Variants in NOS1 observed in about 807,000 individuals in gnomAD.
NOS1 encodes the protein NOS type I.
Under a neutral mutation model 164.5 loss-of-function variants are expected in NOS1, and 51 were observed. That is an observed-to-expected ratio of 0.31 (90% confidence interval 0.25 to 0.39). The LOEUF (loss-of-function observed/expected upper bound fraction) is 0.39, where lower values mean the gene tolerates loss of function less well. Among genes scored for constraint, NOS1 ranks in the 10% least tolerant of loss-of-function variants. The pLI is 1.00. For missense variants in NOS1, 1,362 were observed against 1,885.6 expected (o/e 0.72, Z 5.14); for synonymous variants, 719 against 745.8 (o/e 0.96, Z 0.59).
At position 117,356,350 on chromosome 12, in the gene NOS1, C is replaced by G. The variant is rs543985528; in HGVS notation, c.-421+5162G>C. Among the ~76,000 whole-genome samples, 14 of 152,272 alleles carry G rather than the reference C, an allele frequency of 9.2e-5. No homozygotes were observed. The South Asian group carries it at 2.9e-3, about 32-fold the overall frequency. On this transcript the variant is annotated intron_variant, in intron 1 of 28. Coordinates refer to ENST00000317775, the MANE Select transcript of NOS1 (RefSeq NM_000620.5). The surrounding 1 kb of genome is among the most constrained non-coding windows in gnomAD (Gnocchi z 4.2). The stretch of plus-strand genomic sequence containing the variant: ...CTGGCCCAGTTTGGCACTGGGGACC[C>G]CAACCCTGAGAGGGTGCCACAAATC...
intron 20 of NOS1, among the ~76,000 whole-genome samples, chr12:117,235,444 A>C (rs1869627878): frequency 1.3e-5 from 2 of 152,100 alleles, no homozygotes. Context: ...TGGCATCCCC[A>C]ATCTGTGAAA....
At chr12:117,302,032 G>A (rs755034052) in intron 3 of NOS1, 10 of 456,546 alleles carry the variant, frequency 2.2e-5, no homozygotes, top group African/African-American at 6.0e-5. Context: ...TGTGACCCTC[G>A]TTGAGCACCA....
At chr12:117,311,363 T>C (rs1259958415) in intron 3 of NOS1, 103 bp downstream of exon 3, 3 of 1,351,302 alleles carry the variant, frequency 2.2e-6, no homozygotes, top group Non-Finnish European at 2.9e-6. Flanking sequence ...ATTTCCATCA[T>C]GACACAGTTT....
chr12:117,338,403 A>G lies in NOS1; in HGVS notation c.-420-6914T>C, dbSNP rs962200547. 2.1e-5 allele frequency among the ~76,000 whole-genome samples: 3 copies of G among 144,884 alleles called. No individual in the cohort carries two copies. In the East Asian group the frequency reaches 6.5e-4, roughly 31 times the overall value. ...GTGACAGAACAAGACCCTGTTTCAT[A>G]GGCGGGAACTGAACAATGAGAACAC... On this transcript the variant is annotated intron_variant, in intron 1 of 28. Coordinates refer to ENST00000317775, the MANE Select transcript of NOS1 (RefSeq NM_000620.5).
intron 10 of NOS1, among the ~76,000 whole-genome samples, chr12:117,269,753 G>A (rs985076767): frequency 7.2e-5 from 11 of 152,060 alleles, no homozygotes; most frequent in African/African-American, 2.4e-4. Context: ...GGCGTGAGCC[G>A]CTGCACCCGG....
At chr12:117,278,314 A>G (rs1355281360) in intron 8 of NOS1, among the ~76,000 whole-genome samples, 9 of 152,194 alleles carry the variant, frequency 5.9e-5, no homozygotes, top group Admixed American at 5.9e-4. Flanking sequence ...GGGTTTTGCC[A>G]TTACTTTCAA....
chr12:117,328,563 G>A (rs1423530861), intron 2 of NOS1, among the ~76,000 whole-genome samples: 2 of 150,698 alleles, frequency 1.3e-5, no homozygotes, highest in African/African-American at 4.9e-5. Context: ...GCTTTTTTTT[G>A]TTCCTTTTTT....
chr12:117,305,981 G>A (rs947068407), intron 3 of NOS1, among the ~76,000 whole-genome samples: 3 of 151,966 alleles, frequency 2.0e-5, no homozygotes, highest in South Asian at 2.1e-4. Context: ...TAGTAGAGAC[G>A]GAGTTTCACC....
intron 8 of NOS1, among the ~76,000 whole-genome samples, chr12:117,280,355 C>A (rs1347616606): frequency 1.3e-5 from 2 of 152,152 alleles, no homozygotes; most frequent in African/African-American, 4.8e-5. Context: ...ATATGGCTTC[C>A]ATTTCTCGGC....
At chr12:117,256,564 C>T (rs997970600) in intron 16 of NOS1, among the ~76,000 whole-genome samples, 3 of 151,742 alleles carry the variant, frequency 2.0e-5, no homozygotes, top group African/African-American at 7.3e-5. Flanking sequence ...AGGCATGAGC[C>T]ACTGTGTCTG....
At chr12:117,224,874 G>T in intron 25 of NOS1, 142 bp downstream of exon 25, 1 of 1,059,632 alleles carries the variant, frequency 9.4e-7, no homozygotes. Flanking sequence ...CTGTAGGTCA[G>T]GCTGGTGCTA....
chr12:117,326,312 G>A (rs1309689998), intron 2 of NOS1, among the ~76,000 whole-genome samples: 4 of 151,592 alleles, frequency 2.6e-5, no homozygotes, highest in Non-Finnish European at 5.9e-5. Context: ...CTGGAACCCG[G>A]GAGGCGGAGG....
Position 117,211,754 on chromosome 12 carries a change from G to A in NOS1, c.*3555C>T. 7 of 985,400 alleles carry A rather than the reference G, an allele frequency of 7.1e-6. No homozygotes were observed. The highest frequency in any genetic ancestry group is 8.4e-6 in the Non-Finnish European group (7 of 829,986). The allele number at this position is 985,400 out of a possible 1,614,324, so 61.0% of individuals were successfully genotyped here. ...AGAAATTTATGTCAGTTCCAAGACG[G>A]GTGTCTCTCTCCATCAGATTATAAC... On this transcript the variant is annotated 3_prime_UTR_variant, in exon 29 of 29. Coordinates refer to ENST00000317775, the MANE Select transcript of NOS1 (RefSeq NM_000620.5).
At chr12:117,328,357 A>G (rs952998977) in intron 2 of NOS1, among the ~76,000 whole-genome samples, 2 of 151,950 alleles carry the variant, frequency 1.3e-5, no homozygotes, top group South Asian at 4.2e-4. Context: ...TTTAGTGGAG[A>G]TGGGGTTTCA....
chr12:117,215,476 A>C (rs1956592609), intron 28 of NOS1, 152 bp from the exon 29 acceptor site: 1 of 1,096,668 alleles, frequency 9.1e-7, no homozygotes, highest in African/African-American at 1.7e-5. Flanking sequence ...TCGCTCTGTC[A>C]CCCAGGCTGG....
intron 20 of NOS1, among the ~76,000 whole-genome samples, chr12:117,241,256 T>C (rs949443089): frequency 2.6e-5 from 4 of 152,044 alleles, no homozygotes; most frequent in African/African-American, 9.7e-5. Flanking sequence ...TTTCTAGCAC[T>C]AATGAAGGTC....
rs9658384 is a variant in NOS1, at chr12:117,267,991, G to T, written c.1941+52C>A. ...ATCCTCTGCATCAAGGCTCTGAAAG[G>T]TTTGAACTCTCATTTGAAGCTTGAC... On this transcript the variant is annotated intron_variant, in intron 11 of 28. Coordinates refer to ENST00000317775, the MANE Select transcript of NOS1 (RefSeq NM_000620.5). The T allele has an allele frequency of 1.1e-3, 1,381 of 1,308,258 alleles. 12 individuals are homozygous for T. In the African/African-American group the frequency reaches 0.018, roughly 17 times the overall value. The allele number at this position is 1,308,258 out of a possible 1,614,324, so 81.0% of individuals were successfully genotyped here.
chr12:117,282,128 T>C (rs1022460659), intron 7 of NOS1, among the ~76,000 whole-genome samples: 1 of 152,046 alleles, frequency 6.6e-6, no homozygotes, highest in Non-Finnish European at 1.5e-5. Context: ...CTGGTCTCTA[T>C]GTTAAAAGGG....
chr12:117,291,045 T>G (rs1873023419), intron 3 of NOS1, among the ~76,000 whole-genome samples: 1 of 152,066 alleles, frequency 6.6e-6, no homozygotes, highest in African/African-American at 2.4e-5. Flanking sequence ...AAACCTTGTC[T>G]CTATTAAAAA....
Sources: allele counts gnomAD v4.1 joint callset (sites outside exome capture counted in the v4.1 genomes callset), GRCh38; gene constraint gnomAD v4.1.1; non-coding constraint Gnocchi (gnomAD v3.1); transcripts MANE v1.5; gene names NCBI Gene and HGNC (gene_info 2026-07-23, HGNC 2026-07-21).